Variants in NRXN3 observed in about 807,000 individuals in gnomAD.
NRXN3 encodes neurexin 3, also known as neurexin III.
A neutral mutation model predicts 137.6 loss-of-function variants in NRXN3; 32 were observed. That is an observed-to-expected ratio of 0.23 (90% CI 0.18 to 0.31). The LOEUF is 0.31. NRXN3 is among the 10% of genes least tolerant of loss of function. NRXN3 has a pLI of 1.00. For synonymous variants in NRXN3, 798 were observed against 784.5 expected, an observed-to-expected ratio of 1.02 and a Z score of -0.29; for missense variants, 1,574 against 2,062.5, an observed-to-expected ratio of 0.76 and a Z score of 4.59.
chr14:79,436,726 G>A (rs1240915829), intron 15 of NRXN3, among the ~76,000 whole-genome samples: 1 of 152,208 alleles, frequency 6.6e-6, no homozygotes, highest in Non-Finnish European at 1.5e-5. Flanking sequence ...TGGTTAGGAA[G>A]CATCCTTTTT....
At chr14:78,795,234 T>A (rs1567333065) in intron 8 of NRXN3, among the ~76,000 whole-genome samples, 1 of 152,204 alleles carries the variant, frequency 6.6e-6, no homozygotes, top group Non-Finnish European at 1.5e-5. Context: ...TTAAGGGAAT[T>A]TAAGCATCGT....
intron 19 of NRXN3, among the ~76,000 whole-genome samples, chr14:79,755,806 C>T (rs1294249883): frequency 6.6e-6 from 1 of 152,102 alleles, no homozygotes; most frequent in Non-Finnish European, 1.5e-5. Context: ...GAAGAACTTA[C>T]TATTTTAATG....
chr14:79,577,258 ACCAT>A lies in NRXN3; in HGVS notation c.3445-86519_3445-86516del, dbSNP rs1227515971. Among the ~76,000 whole-genome samples the A allele has an allele frequency of 2.0e-5, 3 of 152,144 alleles. No homozygotes were observed. In the East Asian group the frequency reaches 5.8e-4, roughly 29 times the overall value. On this transcript the variant is annotated intron_variant, in intron 16 of 20. Coordinates refer to ENST00000335750, the MANE Select transcript of NRXN3 (RefSeq NM_001330195.2). Reference sequence around the variant, plus strand: ...CGGTCTCAGATATGTCTTTATTAGCACCATGAGAACAGACAAATACACTGTTTAT... The same window carrying A: ...CGGTCTCAGATATGTCTTTATTAGCAGAGAACAGACAAATACACTGTTTAT...
chr14:78,365,371 T>C (rs1597817023), intron 4 of NRXN3, among the ~76,000 whole-genome samples: 1 of 152,308 alleles, frequency 6.6e-6, no homozygotes, highest in East Asian at 1.9e-4. Flanking sequence ...ACAGGTCAGC[T>C]GAGCAGAGTA....
At chr14:79,192,221 T>G (rs147257548) in intron 15 of NRXN3, among the ~76,000 whole-genome samples, 1 of 152,360 alleles carries the variant, frequency 6.6e-6, no homozygotes, top group African/African-American at 2.4e-5. Context: ...TCCAGGTTAC[T>G]GATCATCTCT....
intron 15 of NRXN3, among the ~76,000 whole-genome samples, chr14:79,168,222 A>G (rs990008573): frequency 1.8e-4 from 28 of 152,036 alleles, no homozygotes; most frequent in Non-Finnish European, 1.3e-4. Flanking sequence ...GGCAGGGGAT[A>G]ATACAGGATG....
chr14:78,268,311 A>C (rs1284446829), intron 2 of NRXN3, among the ~76,000 whole-genome samples: 1 of 152,036 alleles, frequency 6.6e-6, no homozygotes, highest in Non-Finnish European at 1.5e-5. Flanking sequence ...ACAACTGTTC[A>C]CATCTTGCTG....
chr14:78,244,221 G>C (rs1218358020), intron 2 of NRXN3, among the ~76,000 whole-genome samples: 3 of 152,162 alleles, frequency 2.0e-5, no homozygotes, highest in Non-Finnish European at 4.4e-5. Flanking sequence ...CTTGAGGTCA[G>C]GAGTTGGAGA....
intron 15 of NRXN3, among the ~76,000 whole-genome samples, chr14:79,101,421 TC>T (rs987133219): frequency 5.3e-5 from 8 of 152,178 alleles, no homozygotes; most frequent in Admixed American, 2.6e-4. Flanking sequence ...TATATATGGT[TC>T]CCCAGCTAGC....
chr14:79,784,614 C>CTTT (rs540234381), intron 19 of NRXN3, among the ~76,000 whole-genome samples: 35 of 76,548 alleles, frequency 4.6e-4, no homozygotes, highest in East Asian at 1.2e-3. Flanking sequence ...TGTTGTGTTG[C>CTTT]TTTTTTTTTT....
intron 15 of NRXN3, among the ~76,000 whole-genome samples, chr14:79,284,524 G>A (rs1205937840): frequency 6.6e-6 from 1 of 151,660 alleles, no homozygotes; most frequent in East Asian, 1.9e-4. Context: ...CTCTGTAGAC[G>A]ATTTGTGGGG....
intron 15 of NRXN3, among the ~76,000 whole-genome samples, chr14:79,223,944 G>A (rs1394816892): frequency 2.8e-5 from 4 of 143,796 alleles, no homozygotes; most frequent in Non-Finnish European, 4.5e-5. Flanking sequence ...TATGTATGAC[G>A]GGGAGGAGGA....
chr14:78,599,098 A>G (rs374672130), intron 4 of NRXN3, among the ~76,000 whole-genome samples: 1 of 152,260 alleles, frequency 6.6e-6, no homozygotes, highest in African/African-American at 2.4e-5. Flanking sequence ...GAGATGCAGC[A>G]TGCAGGGACA....
At chr14:78,675,653 T>G (rs759981355) in intron 6 of NRXN3, among the ~76,000 whole-genome samples, 1 of 152,158 alleles carries the variant, frequency 6.6e-6, no homozygotes, top group Non-Finnish European at 1.5e-5. Context: ...TCAGACAGAT[T>G]GGTAGTGTTG....
intron 10 of NRXN3, among the ~76,000 whole-genome samples, chr14:78,822,721 AAAAG>A (rs1411348893): frequency 7.3e-5 from 11 of 151,020 alleles, no homozygotes; most frequent in Non-Finnish European, 1.3e-4. Flanking sequence ...AAAAAAAAAA[AAAAG>A]AAAAGAAAGA....
intron 17 of NRXN3, among the ~76,000 whole-genome samples, chr14:79,671,481 G>A (rs1438965639): frequency 2.0e-5 from 3 of 151,906 alleles, no homozygotes; most frequent in Non-Finnish European, 2.9e-5. Flanking sequence ...CTATATCATC[G>A]GTGTGGCCTC....
At chr14:79,081,757 TAGAA>T (rs2047064381) in intron 15 of NRXN3, among the ~76,000 whole-genome samples, 3 of 152,034 alleles carry the variant, frequency 2.0e-5, no homozygotes, top group Non-Finnish European at 4.4e-5. Flanking sequence ...GACAAAAAAT[TAGAA>T]AGAAGACACC....
At chr14:78,197,395 C>G (rs941889192) in intron 1 of NRXN3, among the ~76,000 whole-genome samples, 4 of 152,220 alleles carry the variant, frequency 2.6e-5, no homozygotes, top group Non-Finnish European at 5.9e-5. Flanking sequence ...CAAAAGGTTG[C>G]AGGTGGGCCA....
At chr14:79,081,090 G>A (rs189550065) in intron 15 of NRXN3, among the ~76,000 whole-genome samples, 12 of 152,186 alleles carry the variant, frequency 7.9e-5, no homozygotes, top group Admixed American at 2.0e-4. Context: ...AGTATTTTGC[G>A]TCTATTATCT....
Sources: allele counts gnomAD v4.1 joint callset (sites outside exome capture counted in the v4.1 genomes callset), GRCh38; gene constraint gnomAD v4.1.1; transcripts MANE v1.5; gene names NCBI Gene and HGNC (gene_info 2026-07-23, HGNC 2026-07-21).